The following PRKAR1B variants were observed in gnomAD, a reference collection of about 807,000 sequenced individuals.
PRKAR1B encodes protein kinase cAMP-dependent type I regulatory subunit beta, also known as cAMP-dependent protein kinase type I-beta regulatory subunit.
A neutral mutation model predicts 46.5 loss-of-function variants in PRKAR1B; 22 were observed. That is an observed-to-expected ratio of 0.47 (90% CI 0.34 to 0.68). The LOEUF (loss-of-function observed/expected upper bound fraction) is 0.68, where lower values mean the gene tolerates loss of function less well. Among genes scored for constraint, PRKAR1B ranks in the 30% least tolerant of loss-of-function variants. The pLI, the probability that PRKAR1B is intolerant of heterozygous loss-of-function variation, is 0.01. For missense variants in PRKAR1B, 445 were observed against 535.6 expected (o/e 0.83, Z 1.67); for synonymous variants, 259 against 217.7 (o/e 1.19, Z -1.67).
intron 6 of PRKAR1B, among the ~76,000 whole-genome samples, chr7:604,918 G>T (rs1409916072): frequency 6.6e-6 from 1 of 152,112 alleles, no homozygotes; most frequent in Non-Finnish European, 1.5e-5. Flanking sequence ...GACTCAGCCA[G>T]CCTGGGAAGC....
At chr7:583,805 C>T (rs1003512425) in intron 8 of PRKAR1B, among the ~76,000 whole-genome samples, 3 of 124,328 alleles carry the variant, frequency 2.4e-5, no homozygotes, top group Non-Finnish European at 3.5e-5. Context: ...CTCACATGCA[C>T]ACTCATGCAC....
At chr7:656,934 T>TGAATG (rs1353385934) in intron 4 of PRKAR1B, among the ~76,000 whole-genome samples, 3 of 151,780 alleles carry the variant, frequency 2.0e-5, no homozygotes, top group East Asian at 1.9e-4. Flanking sequence ...AATGAATGAA[T>TGAATG]GAGTGAACGA....
chr7:660,978 C>T (rs1189652005), intron 4 of PRKAR1B, among the ~76,000 whole-genome samples: 1 of 109,544 alleles, frequency 9.1e-6, no homozygotes, highest in Non-Finnish European at 1.9e-5. Flanking sequence ...GGCACAGGTC[C>T]CCACCCCAAC....
intron 6 of PRKAR1B, among the ~76,000 whole-genome samples, chr7:597,063 G>A (rs563551003): frequency 6.6e-5 from 10 of 152,388 alleles, no homozygotes; most frequent in Admixed American, 1.3e-4. Context: ...TGCAAGAATG[G>A]TGCAGATTGT....
At chr7:674,301 T>A (rs1209814934) in intron 4 of PRKAR1B, among the ~76,000 whole-genome samples, 1 of 150,880 alleles carries the variant, frequency 6.6e-6, no homozygotes. Flanking sequence ...ACTCTAGTCA[T>A]GCCCAGCAAC....
chr7:599,298 C>T (rs575206252), intron 6 of PRKAR1B, among the ~76,000 whole-genome samples: 2 of 134,200 alleles, frequency 1.5e-5, no homozygotes, highest in Non-Finnish European at 3.4e-5. Context: ...TTTTTGTTTT[C>T]TCTCTTTTTT....
intron 6 of PRKAR1B, among the ~76,000 whole-genome samples, chr7:600,580 C>G (rs146777488): frequency 3.9e-5 from 6 of 152,382 alleles, no homozygotes; most frequent in Admixed American, 1.3e-4. Context: ...CTGAGGCGCC[C>G]TGCTCCGGGG....
rs181940209 is a variant in PRKAR1B at position 658,967 on chromosome 7, A to G, written c.440+18262T>C. ...TGCCTGGCCTAATGTTTTTAAAAAA[A>G]TATTATCTCGCAGTCATTTGTAAGC... On this transcript the variant is annotated intron_variant, in intron 4 of 10. Coordinates refer to ENST00000537384, the MANE Select transcript of PRKAR1B (RefSeq NM_001164760.2). Among the ~76,000 whole-genome samples, 3 of 152,296 alleles carry G rather than the reference A, an allele frequency of 2.0e-5. No individual in the cohort carries two copies. In the East Asian group the frequency reaches 5.8e-4, roughly 29 times the overall value.
chr7:551,258 T>A, intron 10 of PRKAR1B, 131 bp downstream of exon 10: 1 of 848,212 alleles, frequency 1.2e-6, no homozygotes, highest in East Asian at 2.7e-5. Flanking sequence ...GCAGCCACAC[T>A]GGGGCTCAGC....
At chr7:639,718 G>A (rs1197546416) in intron 4 of PRKAR1B, among the ~76,000 whole-genome samples, 1 of 152,138 alleles carries the variant, frequency 6.6e-6, no homozygotes, top group Non-Finnish European at 1.5e-5. Flanking sequence ...AGCCTGGCAT[G>A]GTGGTGCAAG....
At position 549,728 on chromosome 7, in the gene PRKAR1B, ACTGGGGTCTAC is replaced by A. The variant is rs1784056257; in HGVS notation, c.*691_*701del. 6.6e-6 allele frequency: 1 copy of A among 152,084 alleles called. No individual in the cohort carries two copies. Among genetic ancestry groups the A allele is most frequent in the African/African-American group, 2.4e-5 (1 of 41,380 alleles). 9.4% of individuals were successfully genotyped at this position (152,084 alleles called of 1,614,324 possible). A position where few individuals can be genotyped will look rare whatever the true frequency, so the allele number is the denominator to read the frequency against. On this transcript the variant is annotated 3_prime_UTR_variant, in exon 11 of 11. Transcript: ENST00000537384. ...AGGAACTTCGAGCCCGGCCCCCCCT[ACTGGGGTCTAC>A]CTGCGGCCGCGGCCCTGGCTCCCAA...
rs557190466 is a variant in PRKAR1B, at chr7:584,987, C to A, written c.709-419G>T. Reference sequence around the variant, plus strand: ...AGCACATGACGTAGAAGGGAGAGTGCGGCTGACGTCAGCTAAGACCCTGGA... The same window carrying A: ...AGCACATGACGTAGAAGGGAGAGTGAGGCTGACGTCAGCTAAGACCCTGGA... On this transcript the variant is annotated intron_variant, in intron 7 of 10. Transcript: ENST00000537384. 2.2e-4 allele frequency among the ~76,000 whole-genome samples: 34 copies of A among 152,202 alleles called. 1 individual carries two copies. Among genetic ancestry groups the A allele is most frequent in the African/African-American group, 7.7e-4 (32 of 41,518 alleles).
chr7:665,771 AC>A (rs1264873807), intron 4 of PRKAR1B, among the ~76,000 whole-genome samples: 2 of 152,202 alleles, frequency 1.3e-5, no homozygotes, highest in Non-Finnish European at 2.9e-5. Context: ...AAGCCAGGAG[AC>A]AGCTCCCTTC....
chr7:604,252 G>T (rs1781857846), intron 6 of PRKAR1B, among the ~76,000 whole-genome samples: 1 of 152,344 alleles, frequency 6.6e-6, no homozygotes, highest in Middle Eastern at 3.4e-3. Context: ...CCTGGGCTAG[G>T]CTTTTTTTAA....
Position 726,897 on chromosome 7 carries a change from G to A in PRKAR1B, c.-23+313C>T, listed in dbSNP as rs1781321010. Reference sequence around the variant, plus strand: ...AGGCCCTGCGGCGCGCGCTGGAGGAGCCAGGCCCTGCCGCCGACCCCACCG... The same window carrying A: ...AGGCCCTGCGGCGCGCGCTGGAGGAACCAGGCCCTGCCGCCGACCCCACCG... On this transcript the variant is annotated intron_variant, in intron 1 of 10. Transcript: ENST00000537384. 2.2e-6 allele frequency: 3 copies of A among 1,343,950 alleles called. No homozygotes were observed. The highest frequency in any genetic ancestry group is 2.9e-6 in the Non-Finnish European group (3 of 1,047,626). The allele number at this position is 1,343,950 out of a possible 1,614,324, so 83.3% of individuals were successfully genotyped here. A position where few individuals can be genotyped will look rare whatever the true frequency, so the allele number is the denominator to read the frequency against.
At chr7:684,668 G>A (rs1174226623) in intron 2 of PRKAR1B, among the ~76,000 whole-genome samples, 2 of 152,196 alleles carry the variant, frequency 1.3e-5, no homozygotes, top group African/African-American at 4.8e-5. Flanking sequence ...CAGGAGCTCG[G>A]AAGCCTGGGA....
chr7:698,581 T>C (rs1012689874), intron 2 of PRKAR1B, among the ~76,000 whole-genome samples: 7 of 152,032 alleles, frequency 4.6e-5, no homozygotes, highest in Admixed American at 4.6e-4. Context: ...TCCAGAGAGG[T>C]ACATGCATGT....
chr7:680,872 G>T, intron 2 of PRKAR1B, 146 bp from the exon 3 acceptor site: 2 of 909,226 alleles, frequency 2.2e-6, no homozygotes, highest in Non-Finnish European at 3.2e-6. Flanking sequence ...GTTAGGCTTT[G>T]TGTCCCCACC....
intron 4 of PRKAR1B, among the ~76,000 whole-genome samples, chr7:624,569 G>T (rs765560322): frequency 1.3e-5 from 2 of 152,220 alleles, no homozygotes; most frequent in Non-Finnish European, 2.9e-5. Flanking sequence ...AGCCATGAAG[G>T]TTTGAAATAT....
Sources: gnomAD v4.1 joint callset for allele counts (sites outside exome capture counted in the v4.1 genomes callset) on GRCh38, gnomAD v4.1.1 for gene constraint, MANE v1.5 for transcripts, NCBI Gene and HGNC (gene_info 2026-07-23, HGNC 2026-07-21) for gene names.